ANKRD11: variants seen among roughly 807,000 people sequenced by gnomAD.
ANKRD11 encodes the protein ankyrin repeat domain-containing protein 11.
A neutral mutation model predicts 195.7 loss-of-function variants in ANKRD11; 17 were observed. The observed-to-expected ratio is 0.09, with a 90% CI of 0.06 to 0.13. ANKRD11 has a LOEUF of 0.13. Among genes scored for constraint, ANKRD11 ranks in the 10% least tolerant of loss-of-function variants. The pLI is 1.00. For synonymous variants in ANKRD11, 1,953 were observed against 1,528.1 expected, an observed-to-expected ratio of 1.28 and a Z score of -6.49; for missense variants, 3,735 against 3,566.1, an observed-to-expected ratio of 1.05 and a Z score of -1.21.
rs1266335533 is a variant in ANKRD11, at chr16:89,285,621, G to C, written c.921C>G (p.Ser307=). 6.2e-6 allele frequency: 10 copies of C among 1,614,078 alleles called. No homozygotes were observed. Among genetic ancestry groups the C allele is most frequent in the African/African-American group, 1.3e-5 (1 of 74,926 alleles). The part of the protein sequence containing the change: ...TESSEEEDAP[S]FAPSSSVDGN... Reference sequence around the variant, plus strand: ...CGTCGACTGAACTGGAAGGTGCGAAGGATGGTGCGTCTTCCTCTTCTGAGC... The same window carrying C: ...CGTCGACTGAACTGGAAGGTGCGAACGATGGTGCGTCTTCCTCTTCTGAGC... The change falls in exon 9 of 13, where the codon TCC becomes TCG. Residue 307 remains serine, a synonymous_variant. Transcript: ENST00000301030. This position sits in a 1 kb window ranked among gnomAD's most constrained non-coding sequence, Gnocchi z 5.6.
In ANKRD11 at chr16:89,275,208, A is replaced by C. The variant is rs778565090; in HGVS notation, c.7471-17T>G. The stretch of plus-strand genomic sequence containing the variant: ...GGGTGCGATCTACAGGCAAAAGGTG[A>C]GTGTGGGGGGTCAGCTGGGGCTGTG... On this transcript the variant is annotated splice_polypyrimidine_tract_variant and intron_variant, in intron 9 of 12. Coordinates refer to ENST00000301030, the MANE Select transcript of ANKRD11 (RefSeq NM_013275.6). 28 of 1,593,746 alleles carry C rather than the reference A, an allele frequency of 1.8e-5. 1 individual carries two copies. In the African/African-American group the frequency reaches 3.6e-4, roughly 21 times the overall value.
chr16:89,298,097 T>C, intron 4 of ANKRD11: 1 of 152,122 alleles, frequency 6.6e-6, no homozygotes, highest in East Asian at 1.9e-4. Flanking sequence ...CAAACAGGGT[T>C]ATGTGGCAAG....
chr16:89,473,775 G>C (rs1339712034), intron 1 of ANKRD11, among the ~76,000 whole-genome samples: 19 of 152,202 alleles, frequency 1.2e-4, no homozygotes, highest in Admixed American at 1.2e-3. Flanking sequence ...TCCCCACCCA[G>C]TGTCCATGCC....
chr16:89,311,002 C>T (rs1567623890), intron 3 of ANKRD11, among the ~76,000 whole-genome samples: 1 of 152,244 alleles, frequency 6.6e-6, no homozygotes, highest in Non-Finnish European at 1.5e-5. Context: ...CAGTCTTTGA[C>T]ATTAAATATG....
At chr16:89,454,044 A>C (rs2965949) in intron 1 of ANKRD11, among the ~76,000 whole-genome samples, 1 of 151,998 alleles carries the variant, frequency 6.6e-6, no homozygotes, top group African/African-American at 2.4e-5. Flanking sequence ...CAGGTAGTAC[A>C]TGTTTCACAA....
At chr16:89,353,723 G>A (rs536435310) in intron 2 of ANKRD11, among the ~76,000 whole-genome samples, 8 of 152,162 alleles carry the variant, frequency 5.3e-5, no homozygotes, top group African/African-American at 1.7e-4. Context: ...CAGCTGATCC[G>A]CCTGCCTGGG....
At chr16:89,441,621 G>A (rs2043485081) in intron 1 of ANKRD11, among the ~76,000 whole-genome samples, 1 of 151,792 alleles carries the variant, frequency 6.6e-6, no homozygotes, top group East Asian at 1.9e-4. Flanking sequence ...CAAAAAATTA[G>A]CTGGGTGTGG....
intron 4 of ANKRD11, chr16:89,300,695 G>T (rs892189828): frequency 1.1e-5 from 6 of 542,250 alleles, no homozygotes; most frequent in Non-Finnish European, 1.6e-5. Flanking sequence ...GAGGCACCAG[G>T]AACAAACATG....
chr16:89,364,555 C>T (rs897984247), intron 2 of ANKRD11, among the ~76,000 whole-genome samples: 1 of 152,186 alleles, frequency 6.6e-6, no homozygotes, highest in South Asian at 2.1e-4. Flanking sequence ...CAGTCAGACC[C>T]TAAAGCAGAG....
Position 89,283,637 on chromosome 16 carries a change from C to G in ANKRD11, c.2905G>C (p.Glu969Gln), listed in dbSNP as rs759394268. Reference protein sequence around the residue: ...KERRDGRAKPEEAHREELKEC... With the variant: ...KERRDGRAKPQEAHREELKEC... Reference sequence around the variant, plus strand: ...TTCAGCTCCTCCCGGTGCGCCTCCTCGGGCTTGGCCCTGCCGTCCCTGCGC... The same window carrying G: ...TTCAGCTCCTCCCGGTGCGCCTCCTGGGGCTTGGCCCTGCCGTCCCTGCGC... Residue 969 changes from glutamate (E) to glutamine (Q), a missense_variant, in exon 9 of 13, where the codon GAG (glutamate) becomes CAG (glutamine). Glu to Gln is a conservative substitution (Grantham distance 29). Coordinates refer to ENST00000301030, the MANE Select transcript of ANKRD11 (RefSeq NM_013275.6). The surrounding 1 kb of genome is among the most constrained non-coding windows in gnomAD (Gnocchi z 4.3). The G allele has an allele frequency of 9.9e-6, 16 of 1,610,634 alleles. No homozygotes were observed.
chr16:89,413,111 T>C (rs1372907019), intron 2 of ANKRD11, among the ~76,000 whole-genome samples: 2 of 152,142 alleles, frequency 1.3e-5, no homozygotes, highest in African/African-American at 2.4e-5. Context: ...AAGTGCCCAT[T>C]TTCACATGAA....
intron 2 of ANKRD11, among the ~76,000 whole-genome samples, chr16:89,341,461 A>G (rs2038655439): frequency 6.6e-6 from 1 of 152,230 alleles, no homozygotes; most frequent in South Asian, 2.1e-4. Flanking sequence ...AAGGTTCCAG[A>G]AGGCCTGTGT....
intron 2 of ANKRD11, 111 bp from the exon 3 acceptor site, chr16:89,317,189 T>C: frequency 1.2e-6 from 1 of 820,710 alleles, no homozygotes; most frequent in Non-Finnish European, 2.0e-6. Context: ...GCAGCTGCTC[T>C]GATCAGGGCT....
At chr16:89,456,480 G>A (rs1200976710) in intron 1 of ANKRD11, among the ~76,000 whole-genome samples, 4 of 151,692 alleles carry the variant, frequency 2.6e-5, no homozygotes, top group South Asian at 2.1e-4. Flanking sequence ...CCCGGGAGGC[G>A]GAGGTTGCAG....
chr16:89,284,816 C>G lies in ANKRD11; in HGVS notation c.1726G>C (p.Glu576Gln). ...GAGCCCTCAGAGGAGTAGTCAGACT[C>G]GCTTGTCAGTCTCGTCCTTGTGGAG... ...SDSTRTRLTS[E>Q]SDYSSEGSSV... The change falls in exon 9 of 13, where the codon GAG becomes CAG. Residue 576 changes from glutamate (E) to glutamine (Q), a missense_variant. By Grantham distance (29) the Glu-to-Gln change is conservative. Coordinates refer to ENST00000301030, the MANE Select transcript of ANKRD11 (RefSeq NM_013275.6). 6.2e-7 allele frequency: 1 copy of G among 1,613,842 alleles called. No individual in the cohort carries two copies. The highest frequency in any genetic ancestry group is 1.7e-4 in the Middle Eastern group (1 of 5,868).
chr16:89,342,162 C>T (rs1489413746), intron 2 of ANKRD11, among the ~76,000 whole-genome samples: 4 of 152,248 alleles, frequency 2.6e-5, no homozygotes, highest in African/African-American at 9.6e-5. Context: ...ATCTTGGCGT[C>T]TGGGCCTCAA....
intron 1 of ANKRD11, among the ~76,000 whole-genome samples, chr16:89,487,342 G>A (rs1374759480): frequency 1.3e-5 from 2 of 152,228 alleles, no homozygotes; most frequent in Admixed American, 1.3e-4. Flanking sequence ...ACAAAATGCA[G>A]ATTATTTTCT....
At chr16:89,433,192 G>C (rs1202214631) in intron 1 of ANKRD11, among the ~76,000 whole-genome samples, 1 of 152,202 alleles carries the variant, frequency 6.6e-6, no homozygotes, top group African/African-American at 2.4e-5. Flanking sequence ...GAAAAAGGAA[G>C]ACAGTAAGGA....
intron 3 of ANKRD11, among the ~76,000 whole-genome samples, chr16:89,308,229 C>T (rs35657869): frequency 0.037 from 5,564 of 152,268 alleles, 158 homozygotes; most frequent in Non-Finnish European, 0.056. Flanking sequence ...AGAATAGATT[C>T]GAGAATGCAA....
Sources: allele counts gnomAD v4.1 joint callset (sites outside exome capture counted in the v4.1 genomes callset), GRCh38; gene constraint gnomAD v4.1.1; non-coding constraint Gnocchi (gnomAD v3.1); transcripts MANE v1.5; gene names NCBI Gene and HGNC (gene_info 2026-07-23, HGNC 2026-07-21).